Variants in DPY19L4 observed in about 807,000 individuals in gnomAD.
DPY19L4 encodes the protein dpy-19 like 4, also known as probable C-mannosyltransferase DPY19L4.
In DPY19L4, 97 loss-of-function variants were observed where a neutral mutation model predicts 102.8. The observed-to-expected ratio is 0.94, with a 90% CI of 0.80 to 1.12. The LOEUF is 1.12. Among genes scored for constraint, DPY19L4 ranks in the 50% most tolerant of loss-of-function variants. DPY19L4 has a pLI of 0.00. For synonymous variants in DPY19L4, 252 were observed against 283.1 expected, an observed-to-expected ratio of 0.89 and a Z score of 1.10; for missense variants, 815 against 850.4, an observed-to-expected ratio of 0.96 and a Z score of 0.52.
intron 17 of DPY19L4, among the ~76,000 whole-genome samples, chr8:94,785,635 G>T (rs187372238): frequency 6.6e-6 from 1 of 152,296 alleles, no homozygotes; most frequent in Middle Eastern, 3.4e-3. Flanking sequence ...CGAATGATTA[G>T]ATCTGCTTTG....
chr8:94,775,834 G>A (rs1042413319), intron 13 of DPY19L4, among the ~76,000 whole-genome samples: 1 of 151,730 alleles, frequency 6.6e-6, no homozygotes, highest in Non-Finnish European at 1.5e-5. Flanking sequence ...TCTATACTAA[G>A]CACTGATATC....
intron 3 of DPY19L4, among the ~76,000 whole-genome samples, chr8:94,737,024 A>G (rs1811216705): frequency 6.6e-6 from 1 of 152,206 alleles, no homozygotes; most frequent in African/African-American, 2.4e-5. Flanking sequence ...ATGTTTCATT[A>G]AAATTATTGC....
At chr8:94,783,922 A>C in intron 17 of DPY19L4, 120 bp downstream of exon 17, 1 of 1,135,056 alleles carries the variant, frequency 8.8e-7, no homozygotes, top group South Asian at 1.9e-5. Flanking sequence ...TAGAAGAGTT[A>C]ATTAACTTCC....
At chr8:94,736,441 C>T (rs1044762048) in intron 3 of DPY19L4, among the ~76,000 whole-genome samples, 2 of 152,142 alleles carry the variant, frequency 1.3e-5, no homozygotes, top group African/African-American at 4.8e-5. Context: ...TAGTCTTTCT[C>T]AAAACTTATT....
At position 94,734,630 on chromosome 8, in the gene DPY19L4, A is replaced by T. The variant is rs1263719363; in HGVS notation, c.128A>T (p.His43Leu). The change falls in exon 3 of 19, where the codon CAT (histidine) becomes CTT (leucine). Residue 43 changes from histidine (H) to leucine (L), a missense_variant and splice_region_variant. Coordinates refer to ENST00000414645, the MANE Select transcript of DPY19L4 (RefSeq NM_181787.3). ...DIPIPERAPK[H>L]VLFQRFAKIF... The stretch of plus-strand genomic sequence containing the variant: ...CATTACTTTTAATATACTTTTTCAG[A>T]TGTATTATTTCAACGCTTTGCAAAG... 1 of 1,611,916 alleles carries T rather than the reference A, an allele frequency of 6.2e-7. No homozygotes were observed. The highest frequency in any genetic ancestry group is 2.2e-5 in the East Asian group (1 of 44,834).
At chr8:94,743,368 T>C (rs910199250) in intron 6 of DPY19L4, among the ~76,000 whole-genome samples, 40 of 152,106 alleles carry the variant, frequency 2.6e-4, no homozygotes, top group African/African-American at 9.2e-4. Context: ...TCAGGTGTAG[T>C]GGCTCACACC....
intron 17 of DPY19L4, among the ~76,000 whole-genome samples, chr8:94,785,094 G>A (rs1426085118): frequency 6.6e-6 from 1 of 152,166 alleles, no homozygotes; most frequent in Non-Finnish European, 1.5e-5. Context: ...AGAAATTTGA[G>A]TACCTGAACC....
intron 6 of DPY19L4, among the ~76,000 whole-genome samples, chr8:94,752,403 T>C (rs1263026636): frequency 6.6e-6 from 1 of 151,634 alleles, no homozygotes; most frequent in Non-Finnish European, 1.5e-5. Flanking sequence ...CTGGCCAACA[T>C]GGTGAAACCC....
chr8:94,785,379 G>C (rs977136353), intron 17 of DPY19L4, among the ~76,000 whole-genome samples: 1 of 152,188 alleles, frequency 6.6e-6, no homozygotes, highest in Admixed American at 6.5e-5. Context: ...GCCTACAAAA[G>C]TCTAAGAAGT....
intron 2 of DPY19L4, among the ~76,000 whole-genome samples, chr8:94,726,873 T>C (rs1397215171): frequency 1.3e-5 from 2 of 152,176 alleles, no homozygotes; most frequent in Non-Finnish European, 2.9e-5. Flanking sequence ...CCAGGTCACA[T>C]GGTAGTGGGC....
intron 14 of DPY19L4, among the ~76,000 whole-genome samples, chr8:94,778,746 T>C (rs916414915): frequency 1.3e-5 from 2 of 151,596 alleles, no homozygotes; most frequent in African/African-American, 4.9e-5. Flanking sequence ...ATTAGGCAAA[T>C]GAAGGGGAAA....
intron 8 of DPY19L4, among the ~76,000 whole-genome samples, chr8:94,764,852 C>G (rs7815919): frequency 2.0e-5 from 3 of 148,388 alleles, no homozygotes; most frequent in Non-Finnish European, 4.5e-5. Flanking sequence ...CCTCAGCCTC[C>G]CGAGTGGCTG....
At chr8:94,724,657 CG>C (rs139692395) in intron 1 of DPY19L4, among the ~76,000 whole-genome samples, 19,952 of 152,144 alleles carry the variant, frequency 0.13, 1,395 homozygotes, top group African/African-American at 0.17. Flanking sequence ...AGCGCGATCT[CG>C]GGTCACTGCA....
intron 6 of DPY19L4, among the ~76,000 whole-genome samples, chr8:94,753,029 C>G (rs996341263): frequency 1.3e-5 from 2 of 149,746 alleles, no homozygotes; most frequent in African/African-American, 4.9e-5. Flanking sequence ...AAAAACCTGA[C>G]AGTTTTACTT....
chr8:94,774,621 A>G (rs1163859621), intron 13 of DPY19L4, among the ~76,000 whole-genome samples: 3 of 140,174 alleles, frequency 2.1e-5, no homozygotes, highest in Non-Finnish European at 3.0e-5. Context: ...CTTGTTGCCC[A>G]GGCTAGAGTG....
chr8:94,765,563 C>A, intron 9 of DPY19L4, 148 bp from the exon 10 acceptor site: 1 of 710,214 alleles, frequency 1.4e-6, no homozygotes, highest in South Asian at 1.8e-5. Context: ...GTCAAACTCC[C>A]GACCTCAAGT....
intron 11 of DPY19L4, 48 bp from the exon 12 acceptor site, chr8:94,768,347 A>G (rs1176567742): frequency 1.4e-6 from 2 of 1,450,442 alleles, no homozygotes; most frequent in East Asian, 4.7e-5. Context: ...TTCTGTGTTC[A>G]GTTTAAAACG....
intron 13 of DPY19L4, among the ~76,000 whole-genome samples, chr8:94,771,894 C>T (rs1812952914): frequency 6.6e-6 from 1 of 152,128 alleles, no homozygotes; most frequent in Non-Finnish European, 1.5e-5. Flanking sequence ...TATATAGGGC[C>T]CCATTTAATG....
At chr8:94,766,934 G>T (rs76305716) in intron 11 of DPY19L4, among the ~76,000 whole-genome samples, 3,933 of 151,958 alleles carry the variant, frequency 0.026, 170 homozygotes, top group African/African-American at 0.09. Context: ...GCTGGGTGTG[G>T]TGGTGCATGC....
Sources: gnomAD v4.1 joint callset for allele counts (sites outside exome capture counted in the v4.1 genomes callset) on GRCh38, gnomAD v4.1.1 for gene constraint, MANE v1.5 for transcripts, NCBI Gene and HGNC (gene_info 2026-07-23, HGNC 2026-07-21) for gene names.